PTPRD: variants seen among roughly 807,000 people sequenced by gnomAD.
PTPRD encodes protein tyrosine phosphatase receptor type D.
Under a neutral mutation model 214.5 loss-of-function variants are expected in PTPRD, and 34 were observed. The ratio of observed to expected loss-of-function variants is 0.16; its 90% CI spans 0.12 to 0.21. PTPRD has a LOEUF of 0.21. PTPRD is among the 10% of genes least tolerant of loss of function. The pLI, the probability that PTPRD is intolerant of heterozygous loss-of-function variation, is 1.00. For missense variants in PTPRD, 2,545 were observed against 2,398.7 expected (o/e 1.06, Z -1.27); for synonymous variants, 1,128 against 845.7 (o/e 1.33, Z -5.79).
intron 11 of PTPRD, among the ~76,000 whole-genome samples, chr9:8,911,233 C>A (rs1427958089): frequency 1.3e-5 from 2 of 152,156 alleles, no homozygotes; most frequent in East Asian, 3.8e-4. Flanking sequence ...GTGGTATTGT[C>A]CTGAGAAGAG....
chr9:8,666,910 G>C (rs570985906), intron 12 of PTPRD, among the ~76,000 whole-genome samples: 94 of 152,072 alleles, frequency 6.2e-4, no homozygotes, highest in African/African-American at 2.2e-3. Flanking sequence ...ACTAGCACAA[G>C]CATTGTGTCT....
At chr9:9,398,146 C>T (rs886705466) in intron 8 of PTPRD, among the ~76,000 whole-genome samples, 17 of 145,092 alleles carry the variant, frequency 1.2e-4, no homozygotes, top group East Asian at 1.1e-3. Flanking sequence ...TTCCATACTT[C>T]GGTTTACTTC....
chr9:8,987,622 G>C (rs2099350829), intron 11 of PTPRD, among the ~76,000 whole-genome samples: 1 of 152,054 alleles, frequency 6.6e-6, no homozygotes, highest in Non-Finnish European at 1.5e-5. Context: ...CTTTATGTAT[G>C]TGTGTGCTTA....
chr9:10,410,910 A>G (rs565245182), intron 2 of PTPRD, among the ~76,000 whole-genome samples: 63 of 151,812 alleles, frequency 4.1e-4, no homozygotes, highest in African/African-American at 1.4e-3. Flanking sequence ...TTACCACATG[A>G]ATTACCCTCC....
chr9:9,026,980 T>C (rs1207909779), intron 10 of PTPRD, among the ~76,000 whole-genome samples: 1 of 151,498 alleles, frequency 6.6e-6, no homozygotes, highest in Admixed American at 6.6e-5. Flanking sequence ...TGTTTGAGCC[T>C]TCTGCTTGAG....
At chr9:9,147,394 G>C (rs1353522186) in intron 10 of PTPRD, among the ~76,000 whole-genome samples, 3 of 151,678 alleles carry the variant, frequency 2.0e-5, no homozygotes, top group African/African-American at 7.3e-5. Context: ...TTATTTTAGT[G>C]TGAGGCCCTT....
In PTPRD at chr9:8,768,073, T is replaced by A. The variant is rs116704088; in HGVS notation, c.-103-34127A>T. Among the ~76,000 whole-genome samples the A allele has an allele frequency of 8.9e-3, 1,361 of 152,254 alleles. 24 individuals are homozygous for A. Among genetic ancestry groups the A allele is most frequent in the African/African-American group, 0.031 (1,278 of 41,556 alleles). On this transcript the variant is annotated intron_variant, in intron 11 of 45. Coordinates refer to ENST00000381196, the MANE Select transcript of PTPRD (RefSeq NM_002839.4). Reference sequence around the variant, plus strand: ...GGGTCTGGAAGAACAAAGACAGTTGTTACTATTTGGCCTGAATTTGCGTCT... The same window carrying A: ...GGGTCTGGAAGAACAAAGACAGTTGATACTATTTGGCCTGAATTTGCGTCT...
At chr9:10,571,848 T>C (rs144530400) in intron 2 of PTPRD, among the ~76,000 whole-genome samples, 1,615 of 152,212 alleles carry the variant, frequency 0.011, 29 homozygotes, top group African/African-American at 0.036. Context: ...CCTGTGAGAA[T>C]TGAATGCCGC....
At chr9:10,588,441 C>T (rs2074507625) in intron 2 of PTPRD, among the ~76,000 whole-genome samples, 1 of 151,720 alleles carries the variant, frequency 6.6e-6, no homozygotes, top group African/African-American at 2.4e-5. Flanking sequence ...CACACACACA[C>T]ACACACACAC....
intron 3 of PTPRD, among the ~76,000 whole-genome samples, chr9:10,078,133 A>T (rs1452503614): frequency 6.6e-6 from 1 of 152,060 alleles, no homozygotes; most frequent in Non-Finnish European, 1.5e-5. Flanking sequence ...AAAGAAAAAA[A>T]ATCTTTAAAC....
intron 2 of PTPRD, among the ~76,000 whole-genome samples, chr9:10,551,622 C>G (rs1361839023): frequency 6.6e-6 from 1 of 152,070 alleles, no homozygotes; most frequent in Non-Finnish European, 1.5e-5. Context: ...ATGGAATCTG[C>G]CAGTACCTTG....
At chr9:10,431,197 T>C (rs112924492) in intron 2 of PTPRD, among the ~76,000 whole-genome samples, 6 of 152,174 alleles carry the variant, frequency 3.9e-5, no homozygotes, top group African/African-American at 1.4e-4. Context: ...TCGTTCAGAA[T>C]CACTGTTTGA....
chr9:8,566,917 A>G lies in PTPRD; in HGVS notation c.353-38138T>C, dbSNP rs1226386966. ...GTCATCAGTCCTGGTTGCTGCTCCA[A>G]GTAAAAACTTCATTCTTGATTTGGG... On this transcript the variant is annotated intron_variant, in intron 14 of 45. Transcript: ENST00000381196. Among the ~76,000 whole-genome samples the G allele has an allele frequency of 2.0e-5, 3 of 152,146 alleles. No homozygotes were observed. In the East Asian group the frequency reaches 5.8e-4, roughly 29 times the overall value.
rs3215099 is a variant in PTPRD at position 8,316,910 on chromosome 9, GTATC to G, written c.*960_*963del. The G allele has an allele frequency of 9.2e-3, 2,121 of 230,218 alleles. 9 individuals carry two copies. Among genetic ancestry groups the G allele is most frequent in the East Asian group, 0.02 (321 of 16,290 alleles). The allele number at this position is 230,218 out of a possible 1,614,324, so 14.3% of individuals were successfully genotyped here. A position where few individuals can be genotyped will look rare whatever the true frequency, so the allele number is the denominator to read the frequency against. ...TGGAAGAACTGACTGACTGATAACT[GTATC>G]TATTTTTTGTGTGGACACACTGTCT... On this transcript the variant is annotated 3_prime_UTR_variant, in exon 46 of 46. Transcript: ENST00000381196.
intron 3 of PTPRD, among the ~76,000 whole-genome samples, chr9:10,099,471 C>T (rs1009459483): frequency 1.3e-5 from 2 of 151,584 alleles, no homozygotes; most frequent in Non-Finnish European, 2.9e-5. Flanking sequence ...TATGTAAATT[C>T]CCAGCATATA....
chr9:8,619,023 A>C (rs537893160), intron 14 of PTPRD, among the ~76,000 whole-genome samples: 23 of 148,390 alleles, frequency 1.5e-4, no homozygotes, highest in Non-Finnish European at 3.1e-4. Context: ...GCCTCCCAAA[A>C]TGCTGGGATT....
At chr9:8,494,579 G>C (rs2097219283) in intron 26 of PTPRD, among the ~76,000 whole-genome samples, 1 of 152,188 alleles carries the variant, frequency 6.6e-6, no homozygotes, top group Non-Finnish European at 1.5e-5. Flanking sequence ...CTGAAAAGCA[G>C]TCATGGCTAA....
At position 9,939,074 on chromosome 9, in the gene PTPRD, T is replaced by C. The variant is rs192979087; in HGVS notation, c.-471-464A>G. On this transcript the variant is annotated intron_variant, in intron 4 of 45. Transcript: ENST00000381196. ...AGGAAACAGAATGTGATAATGCAAT[T>C]GCATTAGTTTTATGCCTATGCTCTT... Among the ~76,000 whole-genome samples, 11 of 152,202 alleles carry C rather than the reference T, an allele frequency of 7.2e-5. No individual in the cohort carries two copies. In the East Asian group the frequency reaches 2.1e-3, roughly 29 times the overall value.
At chr9:9,810,535 C>G (rs2046825502) in intron 5 of PTPRD, among the ~76,000 whole-genome samples, 1 of 151,380 alleles carries the variant, frequency 6.6e-6, no homozygotes, top group African/African-American at 2.4e-5. Context: ...ACAACAAAGA[C>G]TGGATGACAG....
Sources: allele counts gnomAD v4.1 joint callset (sites outside exome capture counted in the v4.1 genomes callset), GRCh38; gene constraint gnomAD v4.1.1; transcripts MANE v1.5; gene names NCBI Gene and HGNC (gene_info 2026-07-23, HGNC 2026-07-21).